The following SND1 variants were observed in gnomAD, a reference collection of about 807,000 sequenced individuals.
SND1 encodes staphylococcal nuclease domain-containing protein 1.
In SND1, 38 loss-of-function variants were observed where a neutral mutation model predicts 121.7. The ratio of observed to expected loss-of-function variants is 0.31; its 90% CI spans 0.24 to 0.41. SND1 has a LOEUF of 0.41. Ranked by LOEUF, SND1 falls within the 10% of genes least tolerant of loss-of-function variation. SND1 has a pLI of 1.00. For missense variants in SND1, 868 were observed against 1,184.6 expected (o/e 0.73, Z 3.92); for synonymous variants, 401 against 447.4 (o/e 0.90, Z 1.31).
intron 10 of SND1, among the ~76,000 whole-genome samples, chr7:127,773,306 G>T (rs768240943): frequency 1.3e-5 from 2 of 151,880 alleles, no homozygotes; most frequent in African/African-American, 2.4e-5. Context: ...CAAAAAATTA[G>T]CAAGGTGTGG....
At position 127,801,850 on chromosome 7, in the gene SND1, C is replaced by CT. The variant is rs576392185; in HGVS notation, c.1153-5625dup. On this transcript the variant is annotated intron_variant, in intron 10 of 23. Coordinates refer to ENST00000354725, the MANE Select transcript of SND1 (RefSeq NM_014390.4). ...TGGTCAAAAATTCATGTATAGAACT[C>CT]TTTTTTTTTGAGACAGAGTCTTGCT... 3.1e-3 allele frequency among the ~76,000 whole-genome samples: 472 copies of CT among 151,202 alleles called. 2 individuals carry two copies. The highest frequency in any genetic ancestry group is 9.7e-3 in the African/African-American group (400 of 41,228).
chr7:128,049,644 A>G (rs1422328635), intron 16 of SND1, among the ~76,000 whole-genome samples: 1 of 152,184 alleles, frequency 6.6e-6, no homozygotes, highest in Non-Finnish European at 1.5e-5. Flanking sequence ...CCTTGGAATC[A>G]GAGACCTGTG....
At chr7:128,002,150 C>T (rs775214484) in intron 16 of SND1, among the ~76,000 whole-genome samples, 1 of 152,226 alleles carries the variant, frequency 6.6e-6, no homozygotes, top group Non-Finnish European at 1.5e-5. Flanking sequence ...TATGCTACCC[C>T]TATTCGGGTT....
chr7:127,917,410 G>C (rs560788022), intron 14 of SND1, among the ~76,000 whole-genome samples: 23 of 152,254 alleles, frequency 1.5e-4, no homozygotes, highest in Non-Finnish European at 2.2e-4. Context: ...TTCTGAGCCT[G>C]ACTGTTGGGC....
chr7:127,669,826 CAGG>C, intron 1 of SND1, among the ~76,000 whole-genome samples: 1 of 152,080 alleles, frequency 6.6e-6, no homozygotes, highest in South Asian at 2.1e-4. Flanking sequence ...GGTGTGGGGA[CAGG>C]AGGAGGAAGT....
intron 1 of SND1, among the ~76,000 whole-genome samples, chr7:127,674,550 A>C (rs1330964586): frequency 1.3e-5 from 2 of 152,228 alleles, no homozygotes; most frequent in South Asian, 4.1e-4. Context: ...TTTAATCTTC[A>C]GGTCCTAGTA....
chr7:127,759,951 T>C (rs1267597186), intron 10 of SND1, among the ~76,000 whole-genome samples: 2 of 152,162 alleles, frequency 1.3e-5, no homozygotes, highest in Non-Finnish European at 2.9e-5. Context: ...ATGTACCCTA[T>C]AGTGCCCCAA....
intron 16 of SND1, among the ~76,000 whole-genome samples, chr7:128,070,554 T>A (rs1218428788): frequency 1.3e-5 from 2 of 152,206 alleles, no homozygotes; most frequent in Non-Finnish European, 2.9e-5. Flanking sequence ...GCCCAAGAGA[T>A]GAGTGGCTAT....
chr7:128,092,321 C>T lies in SND1; in HGVS notation c.*263C>T. 1 of 436,056 alleles carries T rather than the reference C, an allele frequency of 2.3e-6. No homozygotes were observed. Among genetic ancestry groups the T allele is most frequent in the Non-Finnish European group, 4.1e-6 (1 of 243,456 alleles). 27.0% of individuals were successfully genotyped at this position (436,056 alleles called of 1,614,324 possible). On this transcript the variant is annotated 3_prime_UTR_variant, in exon 24 of 24. Coordinates refer to ENST00000354725, the MANE Select transcript of SND1 (RefSeq NM_014390.4). This position sits in a 1 kb window ranked among gnomAD's most constrained non-coding sequence, Gnocchi z 4.9. The stretch of plus-strand genomic sequence containing the variant: ...TTGGTTTTATTTGGAGGTTTGTGGG[C>T]TTTTTTTAAAAAAAAAAAGTCCTCA...
intron 10 of SND1, among the ~76,000 whole-genome samples, chr7:127,730,151 A>G (rs1325860257): frequency 1.3e-5 from 2 of 152,154 alleles, no homozygotes; most frequent in Non-Finnish European, 2.9e-5. Flanking sequence ...TATTTTTAGT[A>G]GAGATGGTGT....
intron 14 of SND1, among the ~76,000 whole-genome samples, chr7:127,926,928 A>G (rs1800856329): frequency 6.6e-6 from 1 of 152,082 alleles, no homozygotes; most frequent in Admixed American, 6.6e-5. Flanking sequence ...GATCTTTGCC[A>G]TAATCAATGA....
chr7:127,755,799 C>T (rs531983025), intron 10 of SND1, among the ~76,000 whole-genome samples: 118 of 152,300 alleles, frequency 7.7e-4, no homozygotes, highest in African/African-American at 2.4e-3. Flanking sequence ...GTTTGTACAA[C>T]GTGTAACACA....
chr7:128,089,448 G>T, intron 21 of SND1, 41 bp from the exon 22 acceptor site: 1 of 1,567,226 alleles, frequency 6.4e-7, no homozygotes, highest in Non-Finnish European at 8.7e-7. Context: ...CCAAGTGGTT[G>T]TTCTCTGGCT....
chr7:127,933,944 G>T (rs1182613920), intron 15 of SND1, among the ~76,000 whole-genome samples: 1 of 152,094 alleles, frequency 6.6e-6, no homozygotes, highest in Non-Finnish European at 1.5e-5. Context: ...CCATCCCAAA[G>T]AATACACAAG....
intron 15 of SND1, among the ~76,000 whole-genome samples, chr7:127,948,205 G>A (rs1365112712): frequency 6.6e-6 from 1 of 152,138 alleles, no homozygotes; most frequent in Non-Finnish European, 1.5e-5. Context: ...GCTCACACAG[G>A]TATCTGCCCC....
chr7:127,981,847 T>C (rs2116902683), intron 15 of SND1, among the ~76,000 whole-genome samples: 1 of 152,334 alleles, frequency 6.6e-6, no homozygotes, highest in South Asian at 2.1e-4. Context: ...CACCTTTAAG[T>C]CCTGAGAATA....
At chr7:127,923,248 G>A (rs1299821172) in intron 14 of SND1, among the ~76,000 whole-genome samples, 1 of 152,194 alleles carries the variant, frequency 6.6e-6, no homozygotes, top group African/African-American at 2.4e-5. Flanking sequence ...TTACAGGCAT[G>A]CGCCACCCTG....
At chr7:127,669,234 G>A (rs574728514) in intron 1 of SND1, among the ~76,000 whole-genome samples, 2 of 152,084 alleles carry the variant, frequency 1.3e-5, no homozygotes, top group Non-Finnish European at 2.9e-5. Flanking sequence ...CAGGTGATCC[G>A]TCCACCTTGG....
chr7:127,809,341 C>A (rs1798293698), intron 11 of SND1, among the ~76,000 whole-genome samples: 1 of 152,162 alleles, frequency 6.6e-6, no homozygotes, highest in South Asian at 2.1e-4. Flanking sequence ...AATATTGTAT[C>A]CCTGAGTAGT....
Sources: gnomAD v4.1 joint callset for allele counts (sites outside exome capture counted in the v4.1 genomes callset) on GRCh38, gnomAD v4.1.1 for gene constraint, Gnocchi (gnomAD v3.1) non-coding constraint, MANE v1.5 for transcripts, NCBI Gene and HGNC (gene_info 2026-07-23, HGNC 2026-07-21) for gene names.